The following GMDS variants were observed in gnomAD, a reference collection of about 807,000 sequenced individuals.
The protein encoded by GMDS is GDP-mannose 4,6-dehydratase.
GMDS carries 20 observed loss-of-function variants against 49.9 expected under a neutral mutation model. The ratio of observed to expected loss-of-function variants is 0.40; its 90% CI spans 0.28 to 0.58. The LOEUF is 0.58. Among genes scored for constraint, GMDS ranks in the 20% least tolerant of loss-of-function variants. The pLI is 0.42. For synonymous variants in GMDS, 177 were observed against 178.6 expected (o/e 0.99, Z 0.07); for missense variants, 362 against 481.4 (o/e 0.75, Z 2.32).
chr6:1,728,711 C>T (rs1177431599), intron 8 of GMDS, among the ~76,000 whole-genome samples: 2 of 152,066 alleles, frequency 1.3e-5, no homozygotes, highest in East Asian at 1.9e-4. Flanking sequence ...GGACTGAGGC[C>T]GTGCCTGAGG....
intron 7 of GMDS, among the ~76,000 whole-genome samples, chr6:1,758,985 C>T (rs575344316): frequency 6.6e-5 from 10 of 152,282 alleles, no homozygotes; most frequent in African/African-American, 1.9e-4. Flanking sequence ...TGTAGTGGCA[C>T]GATCTCAGCT....
intron 4 of GMDS, among the ~76,000 whole-genome samples, chr6:2,089,971 C>T (rs1413684125): frequency 6.6e-6 from 1 of 152,120 alleles, no homozygotes; most frequent in Non-Finnish European, 1.5e-5. Context: ...GATTTCTGTG[C>T]CTTTGATCAC....
intron 4 of GMDS, among the ~76,000 whole-genome samples, chr6:2,073,081 G>A (rs1355407898): frequency 1.3e-5 from 2 of 152,244 alleles, no homozygotes; most frequent in African/African-American, 2.4e-5. Context: ...GACAGTCAGT[G>A]CACAGGGAAA....
chr6:2,100,421 A>C (rs1773854536), intron 4 of GMDS, among the ~76,000 whole-genome samples: 2 of 152,066 alleles, frequency 1.3e-5, no homozygotes, highest in South Asian at 2.1e-4. Flanking sequence ...AATGTCCTAA[A>C]CATTACAACA....
At chr6:1,637,175 G>A (rs1763181137) in intron 9 of GMDS, among the ~76,000 whole-genome samples, 1 of 152,230 alleles carries the variant, frequency 6.6e-6, no homozygotes, top group African/African-American at 2.4e-5. Context: ...AGGTGTCTGG[G>A]GGAGCTGGGT....
At chr6:2,049,317 T>C (rs755885255) in intron 4 of GMDS, among the ~76,000 whole-genome samples, 9 of 152,224 alleles carry the variant, frequency 5.9e-5, no homozygotes, top group Non-Finnish European at 1.2e-4. Context: ...AGATCATATT[T>C]TGTTTACTTA....
At chr6:2,032,959 T>A (rs1460476937) in intron 4 of GMDS, among the ~76,000 whole-genome samples, 1 of 152,206 alleles carries the variant, frequency 6.6e-6, no homozygotes. Context: ...ATTTCATTTT[T>A]AAAAATTCTA....
At chr6:1,937,828 G>A (rs1388966143) in intron 6 of GMDS, among the ~76,000 whole-genome samples, 2 of 152,116 alleles carry the variant, frequency 1.3e-5, no homozygotes, top group Non-Finnish European at 2.9e-5. Context: ...ATTAGGATGT[G>A]GACATATCTT....
intron 1 of GMDS, among the ~76,000 whole-genome samples, chr6:2,196,448 T>C (rs1779278706): frequency 6.6e-6 from 1 of 152,252 alleles, no homozygotes; most frequent in African/African-American, 2.4e-5. Context: ...TCACTGTTGC[T>C]AAGTACAGAA....
chr6:1,939,899 G>A (rs1288485559), intron 6 of GMDS, among the ~76,000 whole-genome samples: 1 of 152,144 alleles, frequency 6.6e-6, no homozygotes, highest in African/African-American at 2.4e-5. Flanking sequence ...GCCCTCTGAT[G>A]ATGCCGTAGA....
chr6:2,210,587 C>T (rs1043826858), intron 1 of GMDS, among the ~76,000 whole-genome samples: 1 of 152,276 alleles, frequency 6.6e-6, no homozygotes, highest in South Asian at 2.1e-4. Context: ...GGTCTGCTTA[C>T]TCCCAAGGTG....
intron 4 of GMDS, among the ~76,000 whole-genome samples, chr6:2,025,249 T>C (rs929020443): frequency 6.1e-4 from 93 of 152,204 alleles, no homozygotes; most frequent in African/African-American, 2.1e-3. Flanking sequence ...TCAAATTTGT[T>C]TCCATTTGTA....
At position 2,065,715 on chromosome 6, in the gene GMDS, T is replaced by A. The variant is rs554347707; in HGVS notation, c.345+50056A>T. On this transcript the variant is annotated intron_variant, in intron 4 of 10. Coordinates refer to ENST00000380815, the MANE Select transcript of GMDS (RefSeq NM_001500.4). ...ATGAAATGAAGCGAGAAGGGAAGTT[T>A]AGAGAAAAAAGAATAAAAAGAAACG... 4.7e-3 allele frequency among the ~76,000 whole-genome samples: 715 copies of A among 151,952 alleles called. 1 individual carries two copies. Among genetic ancestry groups the A allele is most frequent in the Middle Eastern group, 0.01 (3 of 294 alleles).
chr6:1,749,547 C>T (rs989869919), intron 7 of GMDS, among the ~76,000 whole-genome samples: 6 of 151,262 alleles, frequency 4.0e-5, no homozygotes, highest in African/African-American at 7.3e-5. Flanking sequence ...GAGCTGAGAT[C>T]ATGCCACTGC....
intron 4 of GMDS, among the ~76,000 whole-genome samples, chr6:2,009,731 T>C (rs1409230246): frequency 6.6e-6 from 1 of 152,186 alleles, no homozygotes; most frequent in Non-Finnish European, 1.5e-5. Flanking sequence ...GGGAAAATGA[T>C]TATTATTACA....
intron 1 of GMDS, among the ~76,000 whole-genome samples, chr6:2,146,208 A>C (rs1476759359): frequency 6.6e-6 from 1 of 152,238 alleles, no homozygotes; most frequent in Non-Finnish European, 1.5e-5. Context: ...TGTTGGTAGG[A>C]CTGTAAATTG....
intron 1 of GMDS, among the ~76,000 whole-genome samples, chr6:2,228,168 C>T (rs974792209): frequency 2.6e-5 from 4 of 152,208 alleles, no homozygotes; most frequent in Non-Finnish European, 5.9e-5. Flanking sequence ...ATATAAAGTG[C>T]AAGCCTGTGT....
At chr6:2,160,845 T>C (rs1412452338) in intron 1 of GMDS, among the ~76,000 whole-genome samples, 1 of 152,122 alleles carries the variant, frequency 6.6e-6, no homozygotes, top group Non-Finnish European at 1.5e-5. Context: ...CTCTGATGTA[T>C]TGTTGTTCAA....
intron 4 of GMDS, among the ~76,000 whole-genome samples, chr6:2,075,707 C>T (rs1181806027): frequency 6.6e-6 from 1 of 152,134 alleles, no homozygotes; most frequent in Non-Finnish European, 1.5e-5. Flanking sequence ...AATAGTGCTG[C>T]AATAAACATA....
Sources: allele counts gnomAD v4.1 joint callset (sites outside exome capture counted in the v4.1 genomes callset), GRCh38; gene constraint gnomAD v4.1.1; transcripts MANE v1.5; gene names NCBI Gene and HGNC (gene_info 2026-07-23, HGNC 2026-07-21).